Variants in DGKI observed in about 807,000 individuals in gnomAD.
The protein encoded by DGKI is diacylglycerol kinase iota, also known as DAG kinase iota.
DGKI carries 55 observed loss-of-function variants against 147.5 expected under a neutral mutation model. The ratio of observed to expected loss-of-function variants is 0.37; its 90% CI spans 0.30 to 0.47. The LOEUF (loss-of-function observed/expected upper bound fraction) is 0.47. Ranked by LOEUF, DGKI falls within the 20% of genes least tolerant of loss-of-function variation. The pLI, the probability that DGKI is intolerant of heterozygous loss-of-function variation, is 1.00. For missense variants in DGKI, 1,007 were observed against 1,323.8 expected (o/e 0.76, Z 3.71); for synonymous variants, 469 against 477.1 (o/e 0.98, Z 0.22).
rs1328234993 is a variant in DGKI, at chr7:137,578,253, AT to A, written c.1698+16del. 1 of 1,581,260 alleles carries A rather than the reference AT, an allele frequency of 6.3e-7. No individual in the cohort carries two copies. On this transcript the variant is annotated intron_variant, in intron 16 of 32. Transcript: ENST00000614521. ...ATAAGTAATATGTAGTAATTATGAA[AT>A]AAAATGTATACCTACCCCTGCATAG... is the stretch of plus-strand genomic sequence containing the variant.
intron 11 of DGKI, 113 bp from the exon 12 acceptor site, chr7:137,598,020 G>A: frequency 1.2e-6 from 1 of 846,698 alleles, no homozygotes; most frequent in Non-Finnish European, 1.9e-6. Flanking sequence ...GAGAAAATGT[G>A]TAATCATGAG....
At chr7:137,602,241 G>A (rs1820016048) in intron 10 of DGKI, among the ~76,000 whole-genome samples, 1 of 152,154 alleles carries the variant, frequency 6.6e-6, no homozygotes, top group East Asian at 1.9e-4. Context: ...ATAGTAGAGT[G>A]CACAGCTCAG....
chr7:137,403,898 G>C (rs923554121), intron 30 of DGKI, among the ~76,000 whole-genome samples: 3 of 151,178 alleles, frequency 2.0e-5, no homozygotes, highest in Non-Finnish European at 4.4e-5. Flanking sequence ...CTTACCTACT[G>C]CAAATCTGAT....
intron 8 of DGKI, among the ~76,000 whole-genome samples, chr7:137,617,043 T>G (rs567921480): frequency 6.7e-6 from 1 of 150,032 alleles, no homozygotes; most frequent in Non-Finnish European, 1.5e-5. Flanking sequence ...AACCCACTGA[T>G]TGATCTTAGC....
At chr7:137,752,853 G>C (rs1795549179) in intron 1 of DGKI, among the ~76,000 whole-genome samples, 1 of 152,094 alleles carries the variant, frequency 6.6e-6, no homozygotes. Context: ...GTGTCTGAGG[G>C]GTTTTGTCTG....
intron 27 of DGKI, among the ~76,000 whole-genome samples, chr7:137,448,354 A>G (rs548081672): frequency 1.3e-5 from 2 of 152,032 alleles, no homozygotes; most frequent in Admixed American, 1.3e-4. Context: ...TAATAACAGA[A>G]AAGAACCAGC....
At chr7:137,843,868 T>C (rs1450863058) in intron 1 of DGKI, among the ~76,000 whole-genome samples, 2 of 151,978 alleles carry the variant, frequency 1.3e-5, no homozygotes, top group Non-Finnish European at 2.9e-5. Flanking sequence ...CTTCAAAAGA[T>C]ATTTTTTGCC....
intron 20 of DGKI, 115 bp downstream of exon 20, chr7:137,552,254 C>A (rs1728441): frequency 2.9e-6 from 3 of 1,051,344 alleles, no homozygotes; most frequent in East Asian, 4.9e-5. Context: ...ACTACTGAGT[C>A]TCCTGGACTT....
intron 30 of DGKI, among the ~76,000 whole-genome samples, chr7:137,403,030 G>A (rs979480441): frequency 2.6e-5 from 4 of 152,032 alleles, no homozygotes; most frequent in African/African-American, 9.7e-5. Flanking sequence ...GCAGGGTGGC[G>A]AAGGAAAGAA....
chr7:137,821,732 C>G (rs769599737), intron 1 of DGKI, among the ~76,000 whole-genome samples: 1 of 151,540 alleles, frequency 6.6e-6, no homozygotes. Context: ...TTGGAAGCTG[C>G]GAAGTGAGCT....
intron 1 of DGKI, among the ~76,000 whole-genome samples, chr7:137,731,247 C>T (rs973317076): frequency 6.6e-6 from 1 of 152,100 alleles, no homozygotes; most frequent in African/African-American, 2.4e-5. Flanking sequence ...TTCATTCACT[C>T]TGCTTCTTCT....
At chr7:137,750,305 G>A (rs28413631) in intron 1 of DGKI, among the ~76,000 whole-genome samples, 2,130 of 152,254 alleles carry the variant, frequency 0.014, 52 homozygotes, top group African/African-American at 0.049. Flanking sequence ...CTGGTTCAGT[G>A]CTTCAACCTG....
In DGKI at chr7:137,487,693, A is replaced by C. The variant is rs758364970; in HGVS notation, c.2249-4T>G. 1 of 1,612,576 alleles carries C rather than the reference A, an allele frequency of 6.2e-7. No individual in the cohort carries two copies. Among genetic ancestry groups the C allele is most frequent in the East Asian group, 2.2e-5 (1 of 44,880 alleles). On this transcript the variant is annotated splice_region_variant and splice_polypyrimidine_tract_variant and intron_variant, in intron 21 of 32. Transcript: ENST00000614521. ...ACTAGAATACCCAGAGGTATCGCTA[A>C]GGGTGAAGGAAGAAGAAAAATCTAA...
At chr7:137,827,375 A>G (rs1054527013) in intron 1 of DGKI, among the ~76,000 whole-genome samples, 1 of 151,944 alleles carries the variant, frequency 6.6e-6, no homozygotes, top group Admixed American at 6.6e-5. Context: ...CTTATCTTCC[A>G]CTCTATCCTT....
At chr7:137,741,479 T>C (rs1259316800) in intron 1 of DGKI, among the ~76,000 whole-genome samples, 1 of 152,212 alleles carries the variant, frequency 6.6e-6, no homozygotes, top group African/African-American at 2.4e-5. Context: ...CAACTTCTGA[T>C]TTTGAATATG....
At chr7:137,754,862 T>C (rs907209362) in intron 1 of DGKI, among the ~76,000 whole-genome samples, 1 of 152,198 alleles carries the variant, frequency 6.6e-6, no homozygotes, top group South Asian at 2.1e-4. Flanking sequence ...GGTGGGAAGA[T>C]GCCTTTCTCC....
intron 1 of DGKI, among the ~76,000 whole-genome samples, chr7:137,835,342 C>G (rs1186616380): frequency 6.6e-6 from 1 of 152,100 alleles, no homozygotes; most frequent in Non-Finnish European, 1.5e-5. Flanking sequence ...AGGTAATCAG[C>G]TATACTGAAT....
intron 1 of DGKI, among the ~76,000 whole-genome samples, chr7:137,700,850 C>G (rs950861640): frequency 6.6e-6 from 1 of 151,810 alleles, no homozygotes; most frequent in African/African-American, 2.4e-5. Flanking sequence ...TGCACTCCAG[C>G]CTGGGCGACA....
rs192075448 is a variant in DGKI, at chr7:137,423,908, G to A, written c.2762-11701C>T. Among the ~76,000 whole-genome samples the A allele has an allele frequency of 1.4e-4, 21 of 152,184 alleles. No individual in the cohort carries two copies. The East Asian group carries it at 1.7e-3, about 13-fold the overall frequency. On this transcript the variant is annotated intron_variant, in intron 28 of 32. Transcript: ENST00000614521. Reference sequence around the variant, plus strand: ...TTATACTTTAAGTTCTGGGATACACGTGCAGAATGTGCAGCTTTACATAGG... The same window carrying A: ...TTATACTTTAAGTTCTGGGATACACATGCAGAATGTGCAGCTTTACATAGG...
Sources: allele counts gnomAD v4.1 joint callset (sites outside exome capture counted in the v4.1 genomes callset), GRCh38; gene constraint gnomAD v4.1.1; transcripts MANE v1.5; gene names NCBI Gene and HGNC (gene_info 2026-07-23, HGNC 2026-07-21).